The following ZNF490 variants were observed in gnomAD, a reference collection of about 807,000 sequenced individuals.
ZNF490 encodes zinc finger protein 490.
In ZNF490, 11 loss-of-function variants were observed where a neutral mutation model predicts 17.7. The ratio of observed to expected loss-of-function variants is 0.62; its 90% CI spans 0.39 to 1.03. The LOEUF (loss-of-function observed/expected upper bound fraction) is 1.03. Among genes scored for constraint, ZNF490 ranks in the 50% least tolerant of loss-of-function variants. ZNF490 has a pLI of 0.00. For missense variants in ZNF490, 542 were observed against 643.4 expected (o/e 0.84, Z 1.71); for synonymous variants, 222 against 216.1 (o/e 1.03, Z -0.24).
At chr19:12,583,207 A>C (rs1182097849) in intron 3 of ZNF490, among the ~76,000 whole-genome samples, 1 of 151,900 alleles carries the variant, frequency 6.6e-6, no homozygotes, top group East Asian at 1.9e-4. Flanking sequence ...AGGCCTGGCT[A>C]ATTTTTTATT....
chr19:12,604,048 T>G (rs1022001000), intron 2 of ZNF490, among the ~76,000 whole-genome samples: 1 of 152,160 alleles, frequency 6.6e-6, no homozygotes, highest in Non-Finnish European at 1.5e-5. Flanking sequence ...AAGAGAAAAC[T>G]GAAGGTTGAG....
At chr19:12,606,646 A>AT (rs1205067226) in intron 2 of ZNF490, among the ~76,000 whole-genome samples, 2 of 150,950 alleles carry the variant, frequency 1.3e-5, no homozygotes, top group Admixed American at 6.6e-5. Flanking sequence ...CACCTGGCCA[A>AT]TTTTTTTTAT....
At chr19:12,602,119 C>T (rs1599312821) in intron 2 of ZNF490, among the ~76,000 whole-genome samples, 1 of 148,856 alleles carries the variant, frequency 6.7e-6, no homozygotes, top group Non-Finnish European at 1.5e-5. Context: ...CACACACACA[C>T]ACACACACAT....
chr19:12,598,763 C>T (rs1480303508), intron 2 of ZNF490, among the ~76,000 whole-genome samples: 4 of 150,706 alleles, frequency 2.7e-5, no homozygotes, highest in African/African-American at 9.7e-5. Context: ...CTGAGGCAGG[C>T]GGATCATGAG....
intron 4 of ZNF490, among the ~76,000 whole-genome samples, chr19:12,582,368 G>A (rs2022748192): frequency 6.6e-6 from 1 of 151,842 alleles, no homozygotes; most frequent in South Asian, 2.1e-4. Flanking sequence ...TGGGATTAGA[G>A]GTATTCGCTA....
In ZNF490 at chr19:12,593,246, G is replaced by GT. The variant is rs201630407; in HGVS notation, c.163-9691dup. Among the ~76,000 whole-genome samples the GT allele has an allele frequency of 1.7e-3, 237 of 143,354 alleles. 1 individual carries two copies. The highest frequency in any genetic ancestry group is 2.6e-3 in the East Asian group (13 of 4,964). The allele number at this position is 143,354 out of a possible 152,430, so 94.0% of individuals were successfully genotyped here. A position where few individuals can be genotyped will look rare whatever the true frequency, so the allele number is the denominator to read the frequency against. ...AAAAAAGATTCCCAGAGTTTTGTGGGTTTTTTTTTTTTTCCCTTTGAGATG... is the reference window on the plus strand; with the variant it reads ...AAAAAAGATTCCCAGAGTTTTGTGGGTTTTTTTTTTTTTTCCCTTTGAGATG... On this transcript the variant is annotated intron_variant, in intron 2 of 4. Transcript: ENST00000311437.
intron 2 of ZNF490, among the ~76,000 whole-genome samples, chr19:12,588,573 G>A (rs889688294): frequency 1.3e-5 from 2 of 152,216 alleles, no homozygotes; most frequent in African/African-American, 4.8e-5. Flanking sequence ...CCAGCAGGCA[G>A]AAATCAGGAA....
chr19:12,601,177 A>T (rs1568282269), intron 2 of ZNF490, among the ~76,000 whole-genome samples: 1 of 151,874 alleles, frequency 6.6e-6, no homozygotes, highest in Non-Finnish European at 1.5e-5. Flanking sequence ...TCACGAGGTC[A>T]GGAGATCGAG....
In ZNF490 at chr19:12,586,603, C is replaced by T. The variant is rs1181261270; in HGVS notation, c.163-3047G>A. Among the ~76,000 whole-genome samples, 3 of 94,254 alleles carry T rather than the reference C, an allele frequency of 3.2e-5. 1 individual carries two copies. The highest frequency in any genetic ancestry group is 9.9e-5 in the Admixed American group (1 of 10,088). 61.8% of individuals were successfully genotyped at this position (94,254 alleles called of 152,430 possible). On this transcript the variant is annotated intron_variant, in intron 2 of 4. Transcript: ENST00000311437. The stretch of plus-strand genomic sequence containing the variant: ...TACAAGATATATTAAAAGACTTAGA[C>T]GGTTTGAAGAGAGAGTGCAGGCATC...
At position 12,610,730 on chromosome 19, in the gene ZNF490, C is replaced by A. The variant is rs62108379; in HGVS notation, c.-50G>T. ...TGCAGGAAGACTTCCGTGTCCGACC[C>A]GAGATCCGGAACAATTTCTGCTTCA... is the stretch of plus-strand genomic sequence containing the variant. On this transcript the variant is annotated 5_prime_UTR_variant, in exon 1 of 5. Transcript: ENST00000311437. 4.2e-5 allele frequency: 66 copies of A among 1,561,352 alleles called. No individual in the cohort carries two copies. Among genetic ancestry groups the A allele is most frequent in the Non-Finnish European group, 5.5e-5 (62 of 1,136,880 alleles).
intron 2 of ZNF490, among the ~76,000 whole-genome samples, chr19:12,584,255 C>A (rs1235207631): frequency 1.1e-5 from 1 of 91,000 alleles, no homozygotes; most frequent in African/African-American, 3.3e-5. Context: ...CTCCCAGGTT[C>A]CAGTGATTAT....
chr19:12,587,110 T>C (rs1204362467), intron 2 of ZNF490, among the ~76,000 whole-genome samples: 1 of 85,988 alleles, frequency 1.2e-5, no homozygotes. Flanking sequence ...ATATATGTTG[T>C]CTGCAAGAAA....
At chr19:12,601,009 G>C (rs2022995349) in intron 2 of ZNF490, among the ~76,000 whole-genome samples, 1 of 151,358 alleles carries the variant, frequency 6.6e-6, no homozygotes, top group Non-Finnish European at 1.5e-5. Flanking sequence ...AGGATCCTTT[G>C]AGCCTGGAAG....
At chr19:12,581,825 G>C in intron 4 of ZNF490, 101 bp from the exon 5 acceptor site, 1 of 1,089,938 alleles carries the variant, frequency 9.2e-7, no homozygotes, top group Non-Finnish European at 1.3e-6. Flanking sequence ...CACAGAAACT[G>C]TATGTTATCT....
At chr19:12,583,791 C>CTATATA (rs1267957541) in intron 2 of ZNF490, among the ~76,000 whole-genome samples, 10 of 68,130 alleles carry the variant, frequency 1.5e-4, no homozygotes, top group South Asian at 1.1e-3. Flanking sequence ...CTCTCTCTCT[C>CTATATA]TATATATATA....
At position 12,577,730 on chromosome 19, in the gene ZNF490, G is replaced by A; in HGVS notation, c.*2755C>T. On this transcript the variant is annotated 3_prime_UTR_variant, in exon 5 of 5. Transcript: ENST00000311437. Reference sequence around the variant, plus strand: ...CCCATCCCTGCTGTTGGGGGAGGGTGGAGGCCAGAGGCCTAAAGAGTTCCG... The same window carrying A: ...CCCATCCCTGCTGTTGGGGGAGGGTAGAGGCCAGAGGCCTAAAGAGTTCCG... 2 of 985,520 alleles carry A rather than the reference G, an allele frequency of 2.0e-6. No individual in the cohort carries two copies. The highest frequency in any genetic ancestry group is 9.4e-5 in the South Asian group (2 of 21,292). 61.0% of individuals were successfully genotyped at this position (985,520 alleles called of 1,614,324 possible). A position where few individuals can be genotyped will look rare whatever the true frequency, so the allele number is the denominator to read the frequency against.
Position 12,592,472 on chromosome 19 carries a change from G to A in ZNF490, c.163-8916C>T, listed in dbSNP as rs150598730. 8.6e-4 allele frequency among the ~76,000 whole-genome samples: 131 copies of A among 152,096 alleles called. 1 individual carries two copies. Among genetic ancestry groups the A allele is most frequent in the African/African-American group, 3.0e-3 (123 of 41,516 alleles). On this transcript the variant is annotated intron_variant, in intron 2 of 4. Transcript: ENST00000311437. ...TAAGTGAAAGAAGCCAATCTAAATG[G>A]TTATATACTGTGTAGTTTCAAAGAT...
chr19:12,584,803 A>G lies in ZNF490; in HGVS notation c.163-1247T>C, dbSNP rs1199050410. On this transcript the variant is annotated intron_variant, in intron 2 of 4. Coordinates refer to ENST00000311437, the MANE Select transcript of ZNF490 (RefSeq NM_020714.3). ...TGAAGGATCTCGGGCCATTAGAACC[A>G]TGCAAATCCAGGTGGCTGAATGAAA... Among the ~76,000 whole-genome samples the G allele has an allele frequency of 3.2e-5, 3 of 94,414 alleles. 1 individual carries two copies. Among genetic ancestry groups the G allele is most frequent in the Admixed American group, 3.0e-4 (3 of 10,092 alleles). The allele number at this position is 94,414 out of a possible 152,430, so 61.9% of individuals were successfully genotyped here.
In ZNF490 at chr19:12,603,182, C is replaced by T. The variant is rs995681054; in HGVS notation, c.162+5976G>A. ...GCTAAAAACCTTGTAATTTCCTAAG[C>T]GACTAGAGCAATTGGAGTATCTTTT... On this transcript the variant is annotated intron_variant, in intron 2 of 4. Coordinates refer to ENST00000311437, the MANE Select transcript of ZNF490 (RefSeq NM_020714.3). 3.3e-5 allele frequency among the ~76,000 whole-genome samples: 5 copies of T among 152,032 alleles called. No homozygotes were observed. In the South Asian group the frequency reaches 6.2e-4, roughly 19 times the overall value.
Sources: allele counts gnomAD v4.1 joint callset (sites outside exome capture counted in the v4.1 genomes callset), GRCh38; gene constraint gnomAD v4.1.1; transcripts MANE v1.5; gene names NCBI Gene and HGNC (gene_info 2026-07-23, HGNC 2026-07-21).